The following HS6ST3 variants were observed in gnomAD, a reference collection of about 807,000 sequenced individuals.
The protein encoded by HS6ST3 is heparan-sulfate 6-O-sulfotransferase 3.
Under a neutral mutation model 36.7 loss-of-function variants are expected in HS6ST3, and 12 were observed. That is an observed-to-expected ratio of 0.33 (90% confidence interval 0.21 to 0.53). The LOEUF is 0.53. Among genes scored for constraint, HS6ST3 ranks in the 20% least tolerant of loss-of-function variants. The pLI is 0.95. For synonymous variants in HS6ST3, 240 were observed against 257.5 expected, an observed-to-expected ratio of 0.93 and a Z score of 0.65; for missense variants, 584 against 640.9, an observed-to-expected ratio of 0.91 and a Z score of 0.96.
chr13:96,357,893 T>A (rs2055217980), intron 1 of HS6ST3, among the ~76,000 whole-genome samples: 1 of 152,170 alleles, frequency 6.6e-6, no homozygotes, highest in Admixed American at 6.5e-5. Flanking sequence ...AAAGATAGTA[T>A]CACAGATCAC....
intron 1 of HS6ST3, among the ~76,000 whole-genome samples, chr13:96,461,024 A>T (rs1027595573): frequency 1.3e-5 from 2 of 152,222 alleles, no homozygotes; most frequent in African/African-American, 4.8e-5. Context: ...AAAATGGGAG[A>T]TACACCCAAT....
At chr13:96,805,053 G>A (rs138496985) in intron 1 of HS6ST3, among the ~76,000 whole-genome samples, 1 of 152,270 alleles carries the variant, frequency 6.6e-6, no homozygotes, top group East Asian at 1.9e-4. Context: ...ATGAAGCTAA[G>A]GTTATTTTGG....
intron 1 of HS6ST3, among the ~76,000 whole-genome samples, chr13:96,155,655 A>G (rs985645791): frequency 6.6e-6 from 1 of 152,216 alleles, no homozygotes; most frequent in African/African-American, 2.4e-5. Flanking sequence ...GATAGAAAAC[A>G]TATTTCAGTA....
At position 96,090,874 on chromosome 13, in the gene HS6ST3, G is replaced by T; in HGVS notation, c.12G>T (p.Arg4Ser). 1.3e-6 allele frequency: 2 copies of T among 1,512,216 alleles called. No individual in the cohort carries two copies. The highest frequency in any genetic ancestry group is 1.8e-6 in the Non-Finnish European group (2 of 1,125,008). The allele number at this position is 1,512,216 out of a possible 1,614,324, so 93.7% of individuals were successfully genotyped here. Residue 4 changes from arginine (R) to serine (S), a missense_variant, in exon 1 of 2, where the codon AGG becomes AGT. Around this residue, in one of 3 missense-constraint regions of HS6ST3, gnomAD observed 217 missense variants for 205.4 expected, o/e 1.06. Coordinates refer to ENST00000376705, the MANE Select transcript of HS6ST3 (RefSeq NM_153456.4). ...CTGAGAGCGGGACCATGGATGAAAG[G>T]TTCAACAAGTGGCTGCTGACGCCGG... The part of the protein sequence containing the change: MDE[R>S]FNKWLLTPVL...
intron 1 of HS6ST3, among the ~76,000 whole-genome samples, chr13:96,254,428 AAAAAAAAAAAAAAAAAAAAAATATAT>A (rs1185453560): frequency 4.5e-4 from 14 of 31,420 alleles, no homozygotes; most frequent in African/African-American, 1.2e-3. Context: ...AAAAAAAAAA[AAAAAAAAAAAAAAAAAAAAAATATAT>A]ATATATATAT....
chr13:96,762,490 A>G (rs973530050), intron 1 of HS6ST3, among the ~76,000 whole-genome samples: 1 of 152,150 alleles, frequency 6.6e-6, no homozygotes, highest in African/African-American at 2.4e-5. Flanking sequence ...AAAAAACAAA[A>G]CAAAAAATGC....
chr13:96,520,916 T>C (rs890835074), intron 1 of HS6ST3, among the ~76,000 whole-genome samples: 5 of 152,342 alleles, frequency 3.3e-5, no homozygotes, highest in Admixed American at 3.3e-4. Flanking sequence ...GGCATCCCTG[T>C]CTTGTGCCGG....
intron 1 of HS6ST3, among the ~76,000 whole-genome samples, chr13:96,802,222 A>G (rs1340701909): frequency 1.3e-5 from 2 of 152,110 alleles, no homozygotes; most frequent in Non-Finnish European, 2.9e-5. Flanking sequence ...GCCTAGACCT[A>G]TCAGGATTTA....
At chr13:96,358,916 CT>C (rs2055223608) in intron 1 of HS6ST3, among the ~76,000 whole-genome samples, 1 of 146,808 alleles carries the variant, frequency 6.8e-6, no homozygotes, top group East Asian at 2.0e-4. Flanking sequence ...ATCTATCTAT[CT>C]AGAGAGAGAT....
chr13:96,589,265 A>G (rs1403030794), intron 1 of HS6ST3, among the ~76,000 whole-genome samples: 2 of 151,954 alleles, frequency 1.3e-5, no homozygotes, highest in East Asian at 1.9e-4. Context: ...TTCATAATTC[A>G]GTCTGAGTAG....
chr13:96,762,499 G>A (rs867385985), intron 1 of HS6ST3, among the ~76,000 whole-genome samples: 1 of 152,010 alleles, frequency 6.6e-6, no homozygotes, highest in Non-Finnish European at 1.5e-5. Flanking sequence ...AACAAAAAAT[G>A]CTCTAAATAT....
At chr13:96,644,693 G>A (rs1282978284) in intron 1 of HS6ST3, among the ~76,000 whole-genome samples, 1 of 151,974 alleles carries the variant, frequency 6.6e-6, no homozygotes, top group Non-Finnish European at 1.5e-5. Context: ...GATAGGATAT[G>A]AAAATTAATA....
intron 1 of HS6ST3, among the ~76,000 whole-genome samples, chr13:96,639,240 A>G (rs933610157): frequency 6.6e-6 from 1 of 152,044 alleles, no homozygotes; most frequent in African/African-American, 2.4e-5. Context: ...TAAAATTGCT[A>G]TAATTTCTAA....
At chr13:96,274,433 G>A (rs1658598103) in intron 1 of HS6ST3, among the ~76,000 whole-genome samples, 2 of 152,098 alleles carry the variant, frequency 1.3e-5, no homozygotes, top group South Asian at 2.1e-4. Context: ...AAGAAGGTGA[G>A]TGGGGTGCTA....
intron 1 of HS6ST3, among the ~76,000 whole-genome samples, chr13:96,237,149 A>T (rs2054538541): frequency 1.3e-5 from 2 of 152,154 alleles, no homozygotes; most frequent in South Asian, 4.1e-4. Context: ...CCCTCCTACA[A>T]CACATGGGGA....
chr13:96,424,769 G>A (rs1310416310), intron 1 of HS6ST3, among the ~76,000 whole-genome samples: 1 of 152,080 alleles, frequency 6.6e-6, no homozygotes, highest in Non-Finnish European at 1.5e-5. Context: ...CTGCACATTA[G>A]GAATTAATGT....
At chr13:96,569,099 G>T (rs991675049) in intron 1 of HS6ST3, among the ~76,000 whole-genome samples, 2 of 152,136 alleles carry the variant, frequency 1.3e-5, no homozygotes, top group African/African-American at 4.8e-5. Context: ...AACTAATTAT[G>T]ATCTCATAGT....
intron 1 of HS6ST3, among the ~76,000 whole-genome samples, chr13:96,800,733 A>G (rs752733634): frequency 1.5e-4 from 23 of 151,854 alleles, no homozygotes; most frequent in South Asian, 1.0e-3. Flanking sequence ...CGAATGCCAG[A>G]TATCTCACCA....
intron 1 of HS6ST3, among the ~76,000 whole-genome samples, chr13:96,558,414 G>T (rs570548468): frequency 2.7e-4 from 41 of 152,334 alleles, no homozygotes; most frequent in African/African-American, 9.6e-4. Context: ...GTTTCAGAGA[G>T]ATTTACTAAC....
Sources: allele counts gnomAD v4.1 joint callset (sites outside exome capture counted in the v4.1 genomes callset), GRCh38; gene constraint gnomAD v4.1.1; regional missense constraint gnomAD v4.1.1; transcripts MANE v1.5; gene names NCBI Gene and HGNC (gene_info 2026-07-23, HGNC 2026-07-21).